The following WDR89 variants were observed in gnomAD, a reference collection of about 807,000 sequenced individuals.
WDR89 encodes WD repeat domain 89.
WDR89 carries 17 observed loss-of-function variants against 29.1 expected under a neutral mutation model. The ratio of observed to expected loss-of-function variants is 0.58; its 90% CI spans 0.40 to 0.88. The LOEUF is 0.88. Among genes scored for constraint, WDR89 ranks in the 40% least tolerant of loss-of-function variants. The pLI, the probability that WDR89 is intolerant of heterozygous loss-of-function variation, is 0.00. For missense variants in WDR89, 396 were observed against 456.3 expected (o/e 0.87, Z 1.20); for synonymous variants, 138 against 157.8 (o/e 0.87, Z 0.94).
At chr14:63,626,800 T>G (rs1254062295) in intron 1 of WDR89, among the ~76,000 whole-genome samples, 1 of 148,688 alleles carries the variant, frequency 6.7e-6, no homozygotes, top group Non-Finnish European at 1.5e-5. Context: ...TCAAGGCTGA[T>G]GGGGTGTCAG....
In WDR89 at chr14:63,624,415, C is replaced by T. The variant is rs562477275; in HGVS notation, c.-32+513G>A. Among the ~76,000 whole-genome samples, 5 of 149,022 alleles carry T rather than the reference C, an allele frequency of 3.4e-5. No homozygotes were observed. The South Asian group carries it at 6.4e-4, about 19-fold the overall frequency. On this transcript the variant is annotated intron_variant, in intron 2 of 2. Transcript: ENST00000620954. ...CCGGGAGGTGGAGCTTGTAGTGAGC[C>T]GAGATTGCATCACTGCCACTTCAGC... is the stretch of plus-strand genomic sequence containing the variant.
intron 2 of WDR89, among the ~76,000 whole-genome samples, chr14:63,609,020 G>A (rs1881784371): frequency 6.6e-6 from 1 of 152,010 alleles, no homozygotes; most frequent in Admixed American, 6.5e-5. Context: ...AATGAGGCAA[G>A]GGAATCGCTT....
rs1446461190 is a variant in WDR89 at position 63,640,730 on chromosome 14, C to T, written c.-138+1074G>A. On this transcript the variant is annotated intron_variant, in intron 1 of 2. Transcript: ENST00000620954. ...TGACCTCGTGATCCGCCCGCCTCGG[C>T]CTCCCAAAGTGCTGGGATTACTGGC... Among the ~76,000 whole-genome samples, 5 of 151,330 alleles carry T rather than the reference C, an allele frequency of 3.3e-5. No individual in the cohort carries two copies. The East Asian group carries it at 9.8e-4, about 30-fold the overall frequency.
chr14:63,601,302 C>T (rs1388243613), intron 2 of WDR89, among the ~76,000 whole-genome samples: 1 of 151,590 alleles, frequency 6.6e-6, no homozygotes, highest in East Asian at 1.9e-4. Flanking sequence ...AAGGCAGTAG[C>T]AGCTTGTGAT....
chr14:63,620,520 G>A (rs944378778), intron 2 of WDR89, among the ~76,000 whole-genome samples: 1 of 152,096 alleles, frequency 6.6e-6, no homozygotes, highest in Non-Finnish European at 1.5e-5. Flanking sequence ...CTTGGAAAGA[G>A]GAGTAAGTTC....
intron 2 of WDR89, among the ~76,000 whole-genome samples, chr14:63,613,965 A>G (rs1053742989): frequency 6.6e-6 from 1 of 151,872 alleles, no homozygotes; most frequent in Non-Finnish European, 1.5e-5. Context: ...TGAAATTTTA[A>G]TGATGATGAC....
chr14:63,602,028 T>C (rs1267686930), intron 2 of WDR89, among the ~76,000 whole-genome samples: 1 of 152,350 alleles, frequency 6.6e-6, no homozygotes, highest in South Asian at 2.1e-4. Context: ...TAAGATGAAA[T>C]GTTTTTTCTG....
intron 2 of WDR89, among the ~76,000 whole-genome samples, chr14:63,614,009 C>A (rs1000232021): frequency 6.6e-6 from 1 of 152,084 alleles, no homozygotes; most frequent in South Asian, 2.1e-4. Context: ...CTAGTATATC[C>A]ATTTTACTGA....
intron 2 of WDR89, among the ~76,000 whole-genome samples, chr14:63,605,630 T>C (rs1039761636): frequency 6.6e-6 from 1 of 152,070 alleles, no homozygotes; most frequent in Admixed American, 6.5e-5. Flanking sequence ...CAGCTAATTT[T>C]TGTGTTTTTA....
intron 2 of WDR89, among the ~76,000 whole-genome samples, chr14:63,600,689 C>CT (rs1467615880): frequency 9.9e-6 from 1 of 101,238 alleles, no homozygotes; most frequent in Non-Finnish European, 1.9e-5. Flanking sequence ...CCTTACACAA[C>CT]TTTAGAATTT....
chr14:63,607,881 CAAAAAAAA>C (rs770768578), intron 2 of WDR89, among the ~76,000 whole-genome samples: 1 of 62,018 alleles, frequency 1.6e-5, no homozygotes, highest in African/African-American at 5.8e-5. Context: ...AAGTCTGACT[CAAAAAAAA>C]AAAAAAAAGA....
chr14:63,597,451 G>C lies in WDR89; in HGVS notation c.*1328C>G, dbSNP rs1894848450. The C allele has an allele frequency of 6.6e-6, 1 of 152,002 alleles. No homozygotes were observed. Among genetic ancestry groups the C allele is most frequent in the African/African-American group, 2.4e-5 (1 of 41,384 alleles). The allele number at this position is 152,002 out of a possible 1,614,324, so 9.4% of individuals were successfully genotyped here. ...TTTCTAAAACTGTTAGTCTGGTTTT[G>C]ACCCCTGTATTTATCTTCTGTGGCT... On this transcript the variant is annotated 3_prime_UTR_variant, in exon 3 of 3. Coordinates refer to ENST00000620954, the MANE Select transcript of WDR89 (RefSeq NM_080666.4).
Position 63,597,285 on chromosome 14 carries a change from C to T in WDR89, c.*1494G>A, listed in dbSNP as rs1434580272. The T allele has an allele frequency of 1.3e-5, 2 of 152,200 alleles. No homozygotes were observed. The highest frequency in any genetic ancestry group is 2.9e-5 in the Non-Finnish European group (2 of 68,042). The allele number at this position is 152,200 out of a possible 1,614,324, so 9.4% of individuals were successfully genotyped here. ...CCCCCATGATCCAATCACCTCCCACCAGGTCTCTCCCTAGACACATGGGGA... is the reference window on the plus strand; with the variant it reads ...CCCCCATGATCCAATCACCTCCCACTAGGTCTCTCCCTAGACACATGGGGA... On this transcript the variant is annotated 3_prime_UTR_variant, in exon 3 of 3. Transcript: ENST00000620954.
At chr14:63,610,575 C>A (rs1348119908) in intron 2 of WDR89, among the ~76,000 whole-genome samples, 4 of 152,108 alleles carry the variant, frequency 2.6e-5, no homozygotes, top group African/African-American at 9.7e-5. Flanking sequence ...ATGTTCCTAT[C>A]ATGAACCCCC....
Position 63,599,640 on chromosome 14 carries a change from T to TGTTC in WDR89, c.302_303insGAAC (p.Ala102AsnfsTer22). On this transcript the variant is annotated frameshift_variant, in exon 3 of 3. Coordinates refer to ENST00000620954, the MANE Select transcript of WDR89 (RefSeq NM_080666.4). LOFTEE classifies it high-confidence loss of function. ...AGAGCTGAACAGGTTTTTCTCTGGC[T>TGTTC]ACTCGAGCATCCCAGCATTTCACAG... 6.2e-7 allele frequency: 1 copy of TGTTC among 1,614,194 alleles called. No individual in the cohort carries two copies. The highest frequency in any genetic ancestry group is 8.5e-7 in the Non-Finnish European group (1 of 1,180,022).
At chr14:63,635,518 A>T (rs139381968) in intron 1 of WDR89, among the ~76,000 whole-genome samples, 1 of 152,248 alleles carries the variant, frequency 6.6e-6, no homozygotes. Flanking sequence ...CACAGCCAAC[A>T]TAATACTGAA....
At chr14:63,604,696 A>C (rs1343832352) in intron 2 of WDR89, among the ~76,000 whole-genome samples, 1 of 152,222 alleles carries the variant, frequency 6.6e-6, no homozygotes, top group Non-Finnish European at 1.5e-5. Flanking sequence ...GTCCTGTTTT[A>C]GTGGTGAACT....
chr14:63,623,175 G>A (rs1882807255), intron 2 of WDR89, among the ~76,000 whole-genome samples: 1 of 143,626 alleles, frequency 7.0e-6, no homozygotes, highest in African/African-American at 2.7e-5. Context: ...TCCAGTCTGG[G>A]TGACACAGAA....
chr14:63,633,609 C>T (rs1226052550), intron 1 of WDR89, among the ~76,000 whole-genome samples: 4 of 152,120 alleles, frequency 2.6e-5, no homozygotes, highest in African/African-American at 9.7e-5. Flanking sequence ...AAACACATCC[C>T]TAAATGTAAA....
Sources: gnomAD v4.1 joint callset for allele counts (sites outside exome capture counted in the v4.1 genomes callset) on GRCh38, gnomAD v4.1.1 for gene constraint, MANE v1.5 for transcripts, NCBI Gene and HGNC (gene_info 2026-07-23, HGNC 2026-07-21) for gene names.